SYT14: variants seen among roughly 807,000 people sequenced by gnomAD.
SYT14 encodes synaptotagmin-14.
Under a neutral mutation model 74.2 loss-of-function variants are expected in SYT14, and 32 were observed. The observed-to-expected ratio is 0.43, with a 90% confidence interval of 0.33 to 0.58. The LOEUF is 0.58. Among genes scored for constraint, SYT14 ranks in the 20% least tolerant of loss-of-function variants. The probability of loss-of-function intolerance (pLI) is 0.05; values close to 1 mark genes in which losing one functional copy is unlikely to be tolerated. For missense variants in SYT14, 791 were observed against 981.8 expected (o/e 0.81, Z 2.60); for synonymous variants, 298 against 337.7 (o/e 0.88, Z 1.29).
intron 5 of SYT14, among the ~76,000 whole-genome samples, chr1:210,072,927 A>G (rs1310878256): frequency 2.6e-5 from 4 of 151,870 alleles, no homozygotes; most frequent in African/African-American, 9.7e-5. Flanking sequence ...AGTATTTTCC[A>G]TTAGAGAATT....
intron 1 of SYT14, among the ~76,000 whole-genome samples, chr1:209,951,495 A>C (rs1414101321): frequency 6.6e-6 from 1 of 152,108 alleles, no homozygotes; most frequent in Non-Finnish European, 1.5e-5. Context: ...ATAGTATTCC[A>C]CCACATATAT....
At chr1:210,112,937 T>C (rs2082291962) in intron 7 of SYT14, among the ~76,000 whole-genome samples, 1 of 151,272 alleles carries the variant, frequency 6.6e-6, no homozygotes. Flanking sequence ...GCAGAAAGTA[T>C]ATGCGTCAGG....
chr1:210,171,164 A>G (rs577854064), exon 10 of SYT14: 2 of 152,286 alleles, frequency 1.3e-5, no homozygotes, highest in African/African-American at 2.4e-5. Flanking sequence ...TGGAGTTTAG[A>G]TATTTTTCAT....
At chr1:210,131,911 C>G (rs367818445) in intron 7 of SYT14, among the ~76,000 whole-genome samples, 1 of 152,146 alleles carries the variant, frequency 6.6e-6, no homozygotes, top group Non-Finnish European at 1.5e-5. Context: ...CAAGTAAAAG[C>G]TCTCCTCACC....
At chr1:210,123,476 T>G (rs1354535857) in intron 7 of SYT14, among the ~76,000 whole-genome samples, 3 of 152,096 alleles carry the variant, frequency 2.0e-5, no homozygotes, top group Admixed American at 6.5e-5. Flanking sequence ...AACAAGATAA[T>G]CACTAAAAGC....
intron 9 of SYT14, among the ~76,000 whole-genome samples, chr1:210,160,229 G>C (rs1356650818): frequency 6.6e-6 from 1 of 151,948 alleles, no homozygotes; most frequent in Non-Finnish European, 1.5e-5. Context: ...TGTCATCTTT[G>C]CATTCTTGTC....
At chr1:210,078,386 T>A (rs1262312305) in intron 5 of SYT14, among the ~76,000 whole-genome samples, 3 of 150,764 alleles carry the variant, frequency 2.0e-5, no homozygotes, top group Non-Finnish European at 2.9e-5. Flanking sequence ...GTTGGTACAG[T>A]GATTTGATAA....
chr1:209,972,273 C>G (rs1197682682), intron 2 of SYT14, among the ~76,000 whole-genome samples: 1 of 151,658 alleles, frequency 6.6e-6, no homozygotes, highest in Non-Finnish European at 1.5e-5. Flanking sequence ...ATCTAGTGGC[C>G]TATCAATGTT....
intron 7 of SYT14, among the ~76,000 whole-genome samples, chr1:210,128,466 A>C (rs954756711): frequency 1.3e-5 from 2 of 152,084 alleles, no homozygotes; most frequent in Non-Finnish European, 2.9e-5. Flanking sequence ...TTTGCAACTC[A>C]TATACAATAT....
At chr1:210,155,697 T>G in intron 7 of SYT14, 24 bp from the exon 7 acceptor site, 1 of 1,612,990 alleles carries the variant, frequency 6.2e-7, no homozygotes. Flanking sequence ...CAAAATACTA[T>G]AAAAATGTTA....
chr1:210,125,225 C>A (rs188745474), intron 7 of SYT14, among the ~76,000 whole-genome samples: 3 of 151,832 alleles, frequency 2.0e-5, no homozygotes, highest in African/African-American at 7.3e-5. Flanking sequence ...CCACCCTCCC[C>A]CCTTTTGAAA....
At chr1:210,007,952 G>A (rs1040454853) in intron 2 of SYT14, among the ~76,000 whole-genome samples, 7 of 152,142 alleles carry the variant, frequency 4.6e-5, no homozygotes, top group Admixed American at 4.6e-4. Context: ...TGGCAAATGG[G>A]AAGCTAAGAG....
chr1:210,016,144 A>G (rs1041831016), exon 4 of SYT14: 2 of 1,232,070 alleles, frequency 1.6e-6, no homozygotes, highest in African/African-American at 3.1e-5. Flanking sequence ...CTGAGCAGGT[A>G]ACAAGTATGA....
At chr1:210,160,022 C>T (rs936338925) in intron 9 of SYT14, among the ~76,000 whole-genome samples, 1 of 152,104 alleles carries the variant, frequency 6.6e-6, no homozygotes, top group Non-Finnish European at 1.5e-5. Context: ...AAAAACAATC[C>T]TATAGTATTT....
chr1:210,112,738 A>G (rs1002772264), intron 7 of SYT14, among the ~76,000 whole-genome samples: 2 of 151,360 alleles, frequency 1.3e-5, no homozygotes, highest in Non-Finnish European at 2.9e-5. Flanking sequence ...AGTTTTTATT[A>G]AAGAGGCATT....
At chr1:210,096,197 GGTCT>G (rs1427655695) in intron 6 of SYT14, among the ~76,000 whole-genome samples, 1 of 152,102 alleles carries the variant, frequency 6.6e-6, no homozygotes. Flanking sequence ...TTCCAACCCA[GGTCT>G]GTCTGACTGC....
At chr1:210,100,151 C>A (rs372418265) in exon 7 of SYT14, 3 of 1,614,110 alleles carry the variant, frequency 1.9e-6, no homozygotes, top group Non-Finnish European at 2.5e-6. Context: ...ACAGCTGTCA[C>A]AGACATCCCA....
At chr1:210,002,157 TA>T (rs1210226470) in intron 2 of SYT14, among the ~76,000 whole-genome samples, 1 of 152,208 alleles carries the variant, frequency 6.6e-6, no homozygotes, top group Non-Finnish European at 1.5e-5. Context: ...TAGTTCTTTT[TA>T]AATTTTGAAA....
chr1:210,040,788 G>C (rs1003803679), intron 5 of SYT14, among the ~76,000 whole-genome samples: 4 of 152,154 alleles, frequency 2.6e-5, no homozygotes, highest in Non-Finnish European at 5.9e-5. Flanking sequence ...ATGGGTTTGT[G>C]TATGTAACTG....
Sources: allele counts gnomAD v4.1 joint callset (sites outside exome capture counted in the v4.1 genomes callset), GRCh38; gene constraint gnomAD v4.1.1; transcripts MANE v1.5; gene names NCBI Gene and HGNC (gene_info 2026-07-23, HGNC 2026-07-21).